Variants in GMDS observed in about 807,000 individuals in gnomAD.
GMDS encodes the protein GDP-mannose 4,6 dehydratase.
In GMDS, 20 loss-of-function variants were observed where a neutral mutation model predicts 49.9. The observed-to-expected ratio is 0.40, with a 90% CI of 0.28 to 0.58. The LOEUF is 0.58. Among genes scored for constraint, GMDS ranks in the 20% least tolerant of loss-of-function variants. The pLI is 0.42. For synonymous variants in GMDS, 177 were observed against 178.6 expected (o/e 0.99, Z 0.07); for missense variants, 362 against 481.4 (o/e 0.75, Z 2.32).
intron 8 of GMDS, among the ~76,000 whole-genome samples, chr6:1,738,689 CTTAA>C (rs3839586): frequency 0.33 from 49,575 of 151,836 alleles, 9,511 homozygotes; most frequent in Non-Finnish European, 0.45. Context: ...AGCTTTCTAG[CTTAA>C]TTAATGGCAA....
chr6:2,046,402 C>T (rs2127432711), intron 4 of GMDS, among the ~76,000 whole-genome samples: 1 of 152,286 alleles, frequency 6.6e-6, no homozygotes, highest in East Asian at 1.9e-4. Context: ...AAAAGTAACA[C>T]ATTTACAAAT....
chr6:2,143,322 C>T (rs930764817), intron 1 of GMDS, among the ~76,000 whole-genome samples: 3 of 152,156 alleles, frequency 2.0e-5, no homozygotes, highest in Non-Finnish European at 4.4e-5. Flanking sequence ...AGGGGCACTA[C>T]TGACCCTTTC....
intron 1 of GMDS, among the ~76,000 whole-genome samples, chr6:2,166,261 T>C (rs1777666265): frequency 1.3e-5 from 2 of 152,172 alleles, no homozygotes; most frequent in Non-Finnish European, 2.9e-5. Context: ...TTTATCTTAC[T>C]GAAACTCCAT....
intron 1 of GMDS, among the ~76,000 whole-genome samples, chr6:2,157,444 G>GT (rs1221431065): frequency 6.6e-6 from 1 of 152,202 alleles, no homozygotes; most frequent in African/African-American, 2.4e-5. Flanking sequence ...CAGGAAACAA[G>GT]TAAGTGGTAA....
chr6:2,111,973 C>T (rs1001213270), intron 4 of GMDS, among the ~76,000 whole-genome samples: 1 of 152,206 alleles, frequency 6.6e-6, no homozygotes, highest in Non-Finnish European at 1.5e-5. Flanking sequence ...CAGCAGCATG[C>T]TGCCAGCAAC....
intron 6 of GMDS, chr6:1,951,877 A>T (rs936312593): frequency 2.0e-6 from 2 of 984,838 alleles, no homozygotes; most frequent in African/African-American, 3.5e-5. Flanking sequence ...GTCTTTTACA[A>T]AGATAAGAGC....
chr6:1,946,996 C>T (rs541248055), intron 6 of GMDS, among the ~76,000 whole-genome samples: 3 of 152,316 alleles, frequency 2.0e-5, no homozygotes, highest in Admixed American at 2.0e-4. Flanking sequence ...GAGTTCTGCA[C>T]ATTTTTTGGA....
At chr6:1,989,679 A>G (rs558937405) in intron 4 of GMDS, among the ~76,000 whole-genome samples, 2 of 152,284 alleles carry the variant, frequency 1.3e-5, no homozygotes, top group East Asian at 3.9e-4. Flanking sequence ...CAAGACTGGT[A>G]CACTCCCTTC....
chr6:2,220,272 A>ACGGT (rs1176487163), intron 1 of GMDS, among the ~76,000 whole-genome samples: 3 of 152,186 alleles, frequency 2.0e-5, no homozygotes, highest in African/African-American at 7.2e-5. Context: ...AGATACAGGT[A>ACGGT]CGGTAACCTT....
chr6:1,844,620 T>G (rs1396261216), intron 7 of GMDS, among the ~76,000 whole-genome samples: 4 of 152,148 alleles, frequency 2.6e-5, no homozygotes, highest in Non-Finnish European at 5.9e-5. Context: ...AACCTACACC[T>G]TTTTTCCTGG....
At chr6:2,010,872 T>C (rs1767516163) in intron 4 of GMDS, among the ~76,000 whole-genome samples, 1 of 152,170 alleles carries the variant, frequency 6.6e-6, no homozygotes, top group Non-Finnish European at 1.5e-5. Flanking sequence ...TGGAAGTATA[T>C]TATTGTCAAC....
chr6:2,018,815 A>G (rs1010988197), intron 4 of GMDS, among the ~76,000 whole-genome samples: 8 of 152,106 alleles, frequency 5.3e-5, no homozygotes, highest in Admixed American at 2.0e-4. Flanking sequence ...AGGTTTTTCT[A>G]TGAATATGCA....
At chr6:1,813,223 TAAAA>T (rs56705761) in intron 7 of GMDS, among the ~76,000 whole-genome samples, 10 of 85,292 alleles carry the variant, frequency 1.2e-4, no homozygotes, top group African/African-American at 4.6e-4. Context: ...CTCTGTCTCT[TAAAA>T]AAAAAAAAAA....
chr6:1,953,412 TA>T (rs1414012303), intron 6 of GMDS, among the ~76,000 whole-genome samples: 7 of 152,374 alleles, frequency 4.6e-5, no homozygotes, highest in Non-Finnish European at 7.3e-5. Flanking sequence ...ATCTAATCAT[TA>T]AATTTTTTAA....
At chr6:1,705,261 G>A (rs1262379980) in intron 9 of GMDS, among the ~76,000 whole-genome samples, 1 of 152,192 alleles carries the variant, frequency 6.6e-6, no homozygotes, top group Non-Finnish European at 1.5e-5. Context: ...AAAGCCTCCG[G>A]AGAGCTTGGA....
rs141636026 is a variant in GMDS at position 2,223,260 on chromosome 6, T to C, written c.102+22061A>G. On this transcript the variant is annotated intron_variant, in intron 1 of 10. Transcript: ENST00000380815. ...TATGGTGAATTCAAGAAACTATCCG[T>C]ACAAAATGGCTGGGTTACAAAACAC... Among the ~76,000 whole-genome samples the C allele has an allele frequency of 5.3e-5, 8 of 151,968 alleles. No homozygotes were observed. In the East Asian group the frequency reaches 1.5e-3, roughly 29 times the overall value.
intron 9 of GMDS, among the ~76,000 whole-genome samples, chr6:1,669,786 G>A (rs577714075): frequency 1.2e-3 from 189 of 152,012 alleles, no homozygotes; most frequent in African/African-American, 2.8e-3. Flanking sequence ...GGTGGCAGGC[G>A]CCTGTAATCA....
intron 4 of GMDS, among the ~76,000 whole-genome samples, chr6:2,067,881 T>C (rs1025842226): frequency 6.6e-5 from 10 of 151,308 alleles, no homozygotes; most frequent in African/African-American, 9.7e-5. Flanking sequence ...TTTCAATCAA[T>C]AGAAAAAGAG....
intron 9 of GMDS, among the ~76,000 whole-genome samples, chr6:1,695,923 CTTTTTTTT>C (rs71753891): frequency 5.7e-5 from 6 of 105,106 alleles, no homozygotes; most frequent in Non-Finnish European, 7.9e-5. Flanking sequence ...TTTTTTTTTT[CTTTTTTTT>C]TTTTTTTAAT....
Sources: gnomAD v4.1 joint callset for allele counts (sites outside exome capture counted in the v4.1 genomes callset) on GRCh38, gnomAD v4.1.1 for gene constraint, MANE v1.5 for transcripts, NCBI Gene and HGNC (gene_info 2026-07-23, HGNC 2026-07-21) for gene names.